ZNF827: variants seen among roughly 807,000 people sequenced by gnomAD.
ZNF827 encodes zinc finger protein 827.
In ZNF827, 13 loss-of-function variants were observed where a neutral mutation model predicts 102.4. The ratio of observed to expected loss-of-function variants is 0.13; its 90% confidence interval spans 0.08 to 0.20. The LOEUF (loss-of-function observed/expected upper bound fraction) is 0.20, where lower values mean the gene tolerates loss of function less well. Ranked by LOEUF, ZNF827 falls within the 10% of genes least tolerant of loss-of-function variation. ZNF827 has a pLI of 1.00. For synonymous variants in ZNF827, 523 were observed against 536.2 expected, an observed-to-expected ratio of 0.98 and a Z score of 0.34; for missense variants, 1,103 against 1,344.4, an observed-to-expected ratio of 0.82 and a Z score of 2.81.
intron 3 of ZNF827, among the ~76,000 whole-genome samples, chr4:145,888,071 T>C (rs1027083748): frequency 1.3e-5 from 2 of 152,230 alleles, no homozygotes; most frequent in African/African-American, 2.4e-5. Flanking sequence ...TCTATGTGCA[T>C]GTATTTTATG....
At chr4:145,926,937 TTC>T (rs1753470754) in intron 1 of ZNF827, among the ~76,000 whole-genome samples, 1 of 151,794 alleles carries the variant, frequency 6.6e-6, no homozygotes, top group Admixed American at 6.6e-5. Flanking sequence ...ATTGTGAAAT[TTC>T]TCTCTTTCTA....
intron 1 of ZNF827, among the ~76,000 whole-genome samples, chr4:145,922,596 G>C (rs1753146363): frequency 2.0e-5 from 3 of 152,224 alleles, no homozygotes; most frequent in Admixed American, 2.0e-4. Flanking sequence ...TGACCCTTGA[G>C]TAAACATCTT....
intron 8 of ZNF827, among the ~76,000 whole-genome samples, chr4:145,795,713 T>C (rs1740316045): frequency 6.6e-6 from 1 of 152,198 alleles, no homozygotes. Context: ...CAAGAGAACA[T>C]GTAAGAGCTA....
chr4:145,843,926 T>C (rs1429065668), intron 7 of ZNF827, among the ~76,000 whole-genome samples: 1 of 152,174 alleles, frequency 6.6e-6, no homozygotes, highest in Non-Finnish European at 1.5e-5. Flanking sequence ...TCTGCCCCCA[T>C]CACCTCCTTG....
In ZNF827 at chr4:145,849,391, G is replaced by A. The variant is rs752495856; in HGVS notation, c.2152C>T (p.Pro718Ser). Residue 718 changes from proline to serine, a missense_variant, in exon 6 of 15, where the codon CCA (proline) becomes TCA (serine). Physicochemically the swap from Pro to Ser is moderately conservative, Grantham distance 74. Transcript: ENST00000508784. ...TCCTGACTGAAGAGGTTTCTCTCTG[G>A]GGGTACTCTGCCCTCTGGCATCTTC... is the stretch of plus-strand genomic sequence containing the variant. The part of the protein sequence containing the change: ...LQKMPEGRVP[P>S]ERNLFSQDIS... 1.3e-5 allele frequency: 21 copies of A among 1,614,126 alleles called. 1 individual carries two copies. The highest frequency in any genetic ancestry group is 7.7e-5 in the South Asian group (7 of 91,082).
chr4:145,792,010 GC>G (rs1434872384), intron 8 of ZNF827, among the ~76,000 whole-genome samples: 1 of 152,128 alleles, frequency 6.6e-6, no homozygotes. Flanking sequence ...ATTCCTCTTT[GC>G]AAAAACCTCT....
In ZNF827 at chr4:145,902,246, G is replaced by T. The variant is rs777940226; in HGVS notation, c.1013C>A (p.Pro338His). 4.4e-6 allele frequency: 7 copies of T among 1,601,188 alleles called. No individual in the cohort carries two copies. In the Admixed American group the frequency reaches 1.2e-4, roughly 28 times the overall value. Residue 338 changes from proline to histidine, a missense_variant, in exon 2 of 15, where the codon CCT becomes CAT. Coordinates refer to ENST00000508784, the MANE Select transcript of ZNF827 (RefSeq NM_001306215.2). The surrounding 1 kb of genome is among the most constrained non-coding windows in gnomAD (Gnocchi z 4.3). ...TPPPPPPPPP[P>H]PPPPPQSLEL... ...CAGGGATTGTGGTGGTGGTGGTGGA[G>T]GTGGTGGAGGTGGCGGTGGAGGTGG...
chr4:145,860,654 C>T (rs1435453857), intron 5 of ZNF827, among the ~76,000 whole-genome samples: 1 of 151,928 alleles, frequency 6.6e-6, no homozygotes, highest in Non-Finnish European at 1.5e-5. Flanking sequence ...GCTGCTATCC[C>T]GTAGTTAGAA....
chr4:145,938,129 G>A (rs184124424), intron 1 of ZNF827, among the ~76,000 whole-genome samples: 4 of 151,872 alleles, frequency 2.6e-5, no homozygotes, highest in South Asian at 2.1e-4. Context: ...AAAAGGGGGG[G>A]GGTGAGAGAA....
chr4:145,816,720 T>C, intron 8 of ZNF827, among the ~76,000 whole-genome samples: 1 of 152,118 alleles, frequency 6.6e-6, no homozygotes, highest in East Asian at 1.9e-4. Context: ...ACTACGAAAC[T>C]TTCTCCCTCT....
At chr4:145,877,996 G>A (rs1749298722) in intron 4 of ZNF827, among the ~76,000 whole-genome samples, 1 of 152,160 alleles carries the variant, frequency 6.6e-6, no homozygotes, top group Non-Finnish European at 1.5e-5. Flanking sequence ...CCTGAAGACT[G>A]GATAATATAT....
chr4:145,919,178 C>T (rs963062905), intron 1 of ZNF827, among the ~76,000 whole-genome samples: 1 of 152,002 alleles, frequency 6.6e-6, no homozygotes, highest in Non-Finnish European at 1.5e-5. Flanking sequence ...CACTTGAGAC[C>T]AGTAAGTGGA....
At chr4:145,924,580 C>A (rs1347649264) in intron 1 of ZNF827, among the ~76,000 whole-genome samples, 1 of 152,118 alleles carries the variant, frequency 6.6e-6, no homozygotes, top group Admixed American at 6.5e-5. Context: ...CCCAACAGCC[C>A]CTTCAGGGGT....
Position 145,886,014 on chromosome 4 carries a change from C to T in ZNF827, c.1411G>A (p.Asp471Asn), listed in dbSNP as rs565864271. 2 of 1,614,194 alleles carry T rather than the reference C, an allele frequency of 1.2e-6. No homozygotes were observed. The highest frequency in any genetic ancestry group is 1.1e-5 in the South Asian group (1 of 91,076). Reference sequence around the variant, plus strand: ...TGGGGAGATCCCTTGACATCTGGGTCTGGGATCTCCTCCTTCACCTTGGCT... The same window carrying T: ...TGGGGAGATCCCTTGACATCTGGGTTTGGGATCTCCTCCTTCACCTTGGCT... ...TEAKVKEEIP[D>N]PDVKGSPHLS... The change falls in exon 4 of 15, where the codon GAC (aspartate) becomes AAC (asparagine). Residue 471 changes from aspartate to asparagine, a missense_variant. Physicochemically the swap from Asp to Asn is conservative, Grantham distance 23. This residue lies in a region of ZNF827 where 157 missense variants were observed against 211.7 expected (regional missense o/e 0.74). Coordinates refer to ENST00000508784, the MANE Select transcript of ZNF827 (RefSeq NM_001306215.2).
intron 11 of ZNF827, among the ~76,000 whole-genome samples, chr4:145,769,616 C>A (rs1735936880): frequency 6.6e-6 from 1 of 152,174 alleles, no homozygotes; most frequent in South Asian, 2.1e-4. Context: ...GTCCAAACAG[C>A]CTCTCCTGTT....
intron 11 of ZNF827, among the ~76,000 whole-genome samples, chr4:145,768,918 AGG>A (rs1166049993): frequency 1.5e-5 from 1 of 67,234 alleles, no homozygotes; most frequent in African/African-American, 5.1e-5. Flanking sequence ...TATATATATT[AGG>A]TATACAAAGT....
chr4:145,789,912 C>A (rs1000679151), intron 8 of ZNF827, among the ~76,000 whole-genome samples: 14 of 152,224 alleles, frequency 9.2e-5, no homozygotes, highest in African/African-American at 2.9e-4. Flanking sequence ...GGAGGCTCTG[C>A]CTCTTTTCTG....
intron 3 of ZNF827, among the ~76,000 whole-genome samples, chr4:145,887,475 C>G (rs1284180817): frequency 6.6e-6 from 1 of 152,040 alleles, no homozygotes; most frequent in African/African-American, 2.4e-5. Context: ...GCTACAGCAC[C>G]CCACTGTGGC....
Position 145,763,130 on chromosome 4 carries a change from A to G in ZNF827, c.3231-8T>C, listed in dbSNP as rs1734784241. On this transcript the variant is annotated splice_region_variant and splice_polypyrimidine_tract_variant and intron_variant, in intron 13 of 14. Transcript: ENST00000508784. The surrounding 1 kb of genome is among the most constrained non-coding windows in gnomAD (Gnocchi z 4.6). The stretch of plus-strand genomic sequence containing the variant: ...ACTCACCACTGTCCTGAGCTACGGC[A>G]AAAGAAAAATAATAGTATAATCTTA... The G allele has an allele frequency of 2.0e-6, 3 of 1,536,014 alleles. No individual in the cohort carries two copies. In the African/African-American group the frequency reaches 4.1e-5, roughly 21 times the overall value.
Sources: gnomAD v4.1 joint callset for allele counts (sites outside exome capture counted in the v4.1 genomes callset) on GRCh38, gnomAD v4.1.1 for gene constraint, gnomAD v4.1.1 regional missense constraint, Gnocchi (gnomAD v3.1) non-coding constraint, MANE v1.5 for transcripts, NCBI Gene and HGNC (gene_info 2026-07-23, HGNC 2026-07-21) for gene names.